Variants in CC2D2B observed in about 807,000 individuals in gnomAD.
The protein encoded by CC2D2B is coiled-coil and C2 domain containing 2B.
A neutral mutation model predicts 161.2 loss-of-function variants in CC2D2B; 128 were observed. The ratio of observed to expected loss-of-function variants is 0.79; its 90% CI spans 0.69 to 0.92. CC2D2B has a LOEUF of 0.92. Among genes scored for constraint, CC2D2B ranks in the 40% least tolerant of loss-of-function variants. The pLI is 0.00. For synonymous variants in CC2D2B, 391 were observed against 449.8 expected (o/e 0.87, Z 1.65); for missense variants, 1,173 against 1,375.1 (o/e 0.85, Z 2.32).
chr10:95,996,636 T>G (rs2078241042), intron 24 of CC2D2B, among the ~76,000 whole-genome samples: 1 of 152,234 alleles, frequency 6.6e-6, no homozygotes, highest in East Asian at 1.9e-4. Context: ...TGACTTTACT[T>G]CATAGGTATT....
At chr10:95,996,435 TG>T (rs1406163057) in intron 24 of CC2D2B, among the ~76,000 whole-genome samples, 183 bp downstream of exon 24, 1 of 152,190 alleles carries the variant, frequency 6.6e-6, no homozygotes, top group Non-Finnish European at 1.5e-5. Flanking sequence ...ATAATCTATA[TG>T]TATATATAAA....
chr10:95,922,678 AT>A (rs2098529726), intron 3 of CC2D2B, among the ~76,000 whole-genome samples: 1 of 152,248 alleles, frequency 6.6e-6, no homozygotes, highest in African/African-American at 2.4e-5. Flanking sequence ...AAAGTGATCA[AT>A]AGGTCCTCAA....
chr10:96,029,454 T>G (rs1393324773), intron 34 of CC2D2B, among the ~76,000 whole-genome samples: 1 of 151,764 alleles, frequency 6.6e-6, no homozygotes, highest in African/African-American at 2.4e-5. Context: ...ATATGTTTTA[T>G]GATGTATAAA....
chr10:96,004,354 A>G (rs550969831), intron 25 of CC2D2B, 106 bp downstream of exon 25: 1 of 619,540 alleles, frequency 1.6e-6, no homozygotes, highest in African/African-American at 1.9e-5. Flanking sequence ...CAATGTCTAC[A>G]TCCAACATTT....
At chr10:95,960,617 G>C (rs1343395358) in intron 11 of CC2D2B, among the ~76,000 whole-genome samples, 1 of 151,958 alleles carries the variant, frequency 6.6e-6, no homozygotes, top group Non-Finnish European at 1.5e-5. Context: ...GTCTCAAGTG[G>C]TCCTCCCACC....
At chr10:95,921,764 G>A (rs1352476272) in intron 2 of CC2D2B, among the ~76,000 whole-genome samples, 3 of 151,452 alleles carry the variant, frequency 2.0e-5, no homozygotes, top group African/African-American at 7.3e-5. Context: ...ACATAGACAT[G>A]GGGCGGGGCA....
chr10:95,941,978 T>C (rs2076039037), intron 9 of CC2D2B, among the ~76,000 whole-genome samples: 1 of 152,208 alleles, frequency 6.6e-6, no homozygotes. Context: ...GAAAACATGG[T>C]GTATGTAGCC....
At chr10:95,953,308 T>C (rs188180880) in intron 10 of CC2D2B, among the ~76,000 whole-genome samples, 33 of 152,244 alleles carry the variant, frequency 2.2e-4, no homozygotes, top group African/African-American at 7.2e-4. Context: ...GCTCAAGTGA[T>C]GCTCTCACTC....
At chr10:96,021,307 G>A (rs1186154805) in intron 32 of CC2D2B, 4 of 152,232 alleles carry the variant, frequency 2.6e-5, no homozygotes, top group African/African-American at 7.2e-5. Flanking sequence ...TTAGAGAATT[G>A]CTTGAAATAA....
intron 19 of CC2D2B, among the ~76,000 whole-genome samples, chr10:95,986,779 T>A (rs1425746781): frequency 6.6e-6 from 1 of 151,928 alleles, no homozygotes; most frequent in Non-Finnish European, 1.5e-5. Context: ...GTATTTTTGG[T>A]AGAGACAGGG....
At chr10:95,934,453 A>AT (rs1491380602) in intron 6 of CC2D2B, among the ~76,000 whole-genome samples, 282 of 151,760 alleles carry the variant, frequency 1.9e-3, no homozygotes, top group African/African-American at 6.5e-3. Context: ...AAAAAAACAA[A>AT]CAAACAAACA....
At chr10:95,930,594 G>A (rs2098548273) in intron 6 of CC2D2B, among the ~76,000 whole-genome samples, 1 of 152,144 alleles carries the variant, frequency 6.6e-6, no homozygotes, top group Admixed American at 6.5e-5. Flanking sequence ...TTTTTAGCAT[G>A]AAAGGGTGTT....
upstream of CC2D2B, chr10:95,907,876 T>C (rs1039933248): frequency 4.6e-5 from 7 of 152,222 alleles, no homozygotes; most frequent in Non-Finnish European, 8.8e-5. Flanking sequence ...CCGCTCCCTC[T>C]GGGTCCTGGC....
Position 95,924,808 on chromosome 10 carries a change from G to A in CC2D2B, c.204G>A (p.Glu68=). The A allele has an allele frequency of 6.5e-7, 1 of 1,547,562 alleles. No individual in the cohort carries two copies. The highest frequency in any genetic ancestry group is 8.7e-7 in the Non-Finnish European group (1 of 1,143,650). Residue 68 remains glutamate (E), a synonymous_variant, in exon 5 of 35, where the codon GAG becomes GAA. Coordinates refer to ENST00000646931, the MANE Select transcript of CC2D2B (RefSeq NM_001349008.3). ...KINKGEKSST[E]QLIDSEIHQR... ...ATAAAGGTGAAAAATCTTCAACTGAGCAGCTCATTGATAGCGAAATACATC... is the reference window on the plus strand; with the variant it reads ...ATAAAGGTGAAAAATCTTCAACTGAACAGCTCATTGATAGCGAAATACATC...
intron 22 of CC2D2B, 67 bp downstream of exon 22, chr10:95,992,764 C>T (rs2078004277): frequency 9.6e-7 from 1 of 1,036,356 alleles, no homozygotes; most frequent in Non-Finnish European, 1.2e-6. Flanking sequence ...ATTCTCCATG[C>T]TGTTCTATTT....
chr10:95,938,744 A>C (rs754475872), intron 8 of CC2D2B, 39 bp downstream of exon 8: 2 of 703,920 alleles, frequency 2.8e-6, no homozygotes, highest in South Asian at 3.1e-5. Flanking sequence ...ACTGGCTACT[A>C]TGTGACTTAT....
chr10:95,981,881 AT>A lies in CC2D2B; in HGVS notation c.1944-93del, dbSNP rs535281495. On this transcript the variant is annotated intron_variant, in intron 17 of 34. Coordinates refer to ENST00000646931, the MANE Select transcript of CC2D2B (RefSeq NM_001349008.3). ...TAAATTTTATCTTCAAATACCCAGA[AT>A]GGGTATGTTTTTACCCTATATAACA... The A allele has an allele frequency of 3.8e-4, 229 of 608,486 alleles. No individual in the cohort carries two copies. The African/African-American group carries it at 4.0e-3, about 11-fold the overall frequency. The allele number at this position is 608,486 out of a possible 1,614,324, so 37.7% of individuals were successfully genotyped here. A position where few individuals can be genotyped will look rare whatever the true frequency, so the allele number is the denominator to read the frequency against.
chr10:95,914,717 G>A (rs1012260939), intron 2 of CC2D2B, among the ~76,000 whole-genome samples: 2 of 152,136 alleles, frequency 1.3e-5, no homozygotes, highest in African/African-American at 4.8e-5. Flanking sequence ...TGCCATGATT[G>A]CAAGTTTCCT....
chr10:95,924,833 C>A lies in CC2D2B; in HGVS notation c.229C>A (p.Gln77Lys). The change falls in exon 5 of 35, where the codon CAA becomes AAA. Residue 77 changes from glutamine (Q) to lysine (K), a missense_variant. Coordinates refer to ENST00000646931, the MANE Select transcript of CC2D2B (RefSeq NM_001349008.3). ...GCAGCTCATTGATAGCGAAATACAT[C>A]AAAGGTCCAAGGTGAATAACTTTTC... ...TEQLIDSEIH[Q>K]RSKLSPQTEV... The A allele has an allele frequency of 6.5e-7, 1 of 1,544,318 alleles. No individual in the cohort carries two copies. The highest frequency in any genetic ancestry group is 1.2e-5 in the South Asian group (1 of 83,810).
Sources: allele counts gnomAD v4.1 joint callset (sites outside exome capture counted in the v4.1 genomes callset), GRCh38; gene constraint gnomAD v4.1.1; transcripts MANE v1.5; gene names NCBI Gene and HGNC (gene_info 2026-07-23, HGNC 2026-07-21).